VAMP3: variants seen among roughly 807,000 people sequenced by gnomAD.
VAMP3 encodes vesicle-associated membrane protein 3.
A neutral mutation model predicts 18.1 loss-of-function variants in VAMP3; 11 were observed. The ratio of observed to expected loss-of-function variants is 0.61; its 90% CI spans 0.38 to 1.00. VAMP3 has a LOEUF of 1.00. Among genes scored for constraint, VAMP3 ranks in the 50% least tolerant of loss-of-function variants. The probability of loss-of-function intolerance (pLI) is 0.01; values close to 1 mark genes in which losing one functional copy is unlikely to be tolerated. For missense variants in VAMP3, 122 were observed against 127.3 expected (o/e 0.96, Z 0.20); for synonymous variants, 49 against 43.1 (o/e 1.14, Z -0.53).
At chr1:7,777,968 T>C in intron 3 of VAMP3, 150 bp from the exon 4 acceptor site, 1 of 811,840 alleles carries the variant, frequency 1.2e-6, no homozygotes. Context: ...ATTGAGAACA[T>C]TTAATTTAGG....
chr1:7,779,599 C>T (rs755522382), intron 4 of VAMP3, 27 bp from the exon 5 acceptor site: 2 of 1,614,112 alleles, frequency 1.2e-6, no homozygotes, highest in South Asian at 2.2e-5. Flanking sequence ...GTTTCCCCTG[C>T]CTTTTTGCAT....
intron 2 of VAMP3, among the ~76,000 whole-genome samples, chr1:7,774,902 T>A (rs2097053477): frequency 6.6e-6 from 1 of 152,266 alleles, no homozygotes; most frequent in South Asian, 2.1e-4. Flanking sequence ...AGGCTTTCAT[T>A]TCTCTTGAAT....
rs1404324985 is a variant in VAMP3 at position 7,773,620 on chromosome 1, GT to G, written c.72+110del. ...TGTGAATGTAAAGCAAATTCTGACT[GT>G]ATCATAATTGTAACGAAACTTTGCT... is the stretch of plus-strand genomic sequence containing the variant. On this transcript the variant is annotated intron_variant, in intron 2 of 4. Coordinates refer to ENST00000054666, the MANE Select transcript of VAMP3 (RefSeq NM_004781.4). 8.5e-6 allele frequency: 9 copies of G among 1,064,822 alleles called. No individual in the cohort carries two copies. In the African/African-American group the frequency reaches 1.3e-4, roughly 15 times the overall value. 66.0% of individuals were successfully genotyped at this position (1,064,822 alleles called of 1,614,324 possible). A position where few individuals can be genotyped will look rare whatever the true frequency, so the allele number is the denominator to read the frequency against.
At chr1:7,778,585 T>C (rs1328334352) in intron 4 of VAMP3, among the ~76,000 whole-genome samples, 1 of 152,204 alleles carries the variant, frequency 6.6e-6, no homozygotes, top group Non-Finnish European at 1.5e-5. Context: ...TTTTCTTTAA[T>C]AAATGTTTTA....
chr1:7,781,058 C>G lies in VAMP3; in HGVS notation c.*1413C>G, dbSNP rs2097056873. ...TGTGGCTCATTGTTACTGGAATATT[C>G]TAAAACTCTTGTTCACATGCTATTA... On this transcript the variant is annotated 3_prime_UTR_variant, in exon 5 of 5. Transcript: ENST00000054666. The G allele has an allele frequency of 6.5e-6, 1 of 152,832 alleles. No individual in the cohort carries two copies. Among genetic ancestry groups the G allele is most frequent in the Admixed American group, 6.5e-5 (1 of 15,286 alleles). 9.5% of individuals were successfully genotyped at this position (152,832 alleles called of 1,614,324 possible). A position where few individuals can be genotyped will look rare whatever the true frequency, so the allele number is the denominator to read the frequency against.
intron 2 of VAMP3, among the ~76,000 whole-genome samples, chr1:7,774,021 ATC>A (rs1388303349): frequency 5.9e-5 from 9 of 152,154 alleles, no homozygotes; most frequent in Admixed American, 3.3e-4. Context: ...AGCTCAGCAA[ATC>A]TCTGTTTGTA....
chr1:7,779,777 T>A lies in VAMP3; in HGVS notation c.*132T>A. 2 of 1,255,718 alleles carry A rather than the reference T, an allele frequency of 1.6e-6. No individual in the cohort carries two copies. Among genetic ancestry groups the A allele is most frequent in the Non-Finnish European group, 2.2e-6 (2 of 889,738 alleles). The allele number at this position is 1,255,718 out of a possible 1,614,324, so 77.8% of individuals were successfully genotyped here. On this transcript the variant is annotated 3_prime_UTR_variant, in exon 5 of 5. Coordinates refer to ENST00000054666, the MANE Select transcript of VAMP3 (RefSeq NM_004781.4). ...TTGTGTTAATGTAAAGTTGAATTTC[T>A]AGGAAACGTGCCTTTGTTTTTTAAT... is the stretch of plus-strand genomic sequence containing the variant.
Position 7,773,511 on chromosome 1 carries a change from G to T in VAMP3, c.72G>T (p.Glu24Asp). The change falls in exon 2 of 5, where the codon GAG becomes GAT. Residue 24 changes from glutamate (E) to aspartate (D), a missense_variant and splice_region_variant. By Grantham distance (45) the Glu-to-Asp change is conservative (BLOSUM62 2). Coordinates refer to ENST00000054666, the MANE Select transcript of VAMP3 (RefSeq NM_004781.4). ...RLQQTQNQVD[E>D]VVDIMRVNVD... ...AGCAGACACAAAATCAAGTAGATGA[G>T]GTATTGCTCTGAAATGTTGGAAATA... 1.2e-6 allele frequency: 2 copies of T among 1,613,264 alleles called. No homozygotes were observed. The highest frequency in any genetic ancestry group is 1.7e-6 in the Non-Finnish European group (2 of 1,179,526).
At chr1:7,775,489 A>G (rs2097053891) in intron 2 of VAMP3, among the ~76,000 whole-genome samples, 1 of 152,062 alleles carries the variant, frequency 6.6e-6, no homozygotes, top group South Asian at 2.1e-4. Flanking sequence ...CTGGGATTAC[A>G]GGCGCCCGCC....
intron 2 of VAMP3, among the ~76,000 whole-genome samples, chr1:7,774,529 A>G (rs2097053178): frequency 6.6e-6 from 1 of 152,160 alleles, no homozygotes; most frequent in Non-Finnish European, 1.5e-5. Context: ...ATCACCCCAG[A>G]ACACCTCATG....
intron 4 of VAMP3, among the ~76,000 whole-genome samples, chr1:7,779,127 G>A (rs866892265): frequency 1.9e-4 from 29 of 151,992 alleles, no homozygotes; most frequent in Non-Finnish European, 3.5e-4. Context: ...CCCGGGAGGC[G>A]GAGCTTGCAG....
Position 7,771,329 on chromosome 1 carries a change from T to C in VAMP3, c.-55T>C. ...CATCTCCCTGGCCTCCGGTCCCAAC[T>C]TCGCTTCTCTGCTGACCCTCTCTCG... is the stretch of plus-strand genomic sequence containing the variant. On this transcript the variant is annotated 5_prime_UTR_variant, in exon 1 of 5. Coordinates refer to ENST00000054666, the MANE Select transcript of VAMP3 (RefSeq NM_004781.4). 2 of 1,591,874 alleles carry C rather than the reference T, an allele frequency of 1.3e-6. No homozygotes were observed. The highest frequency in any genetic ancestry group is 1.7e-6 in the Non-Finnish European group (2 of 1,171,570).
chr1:7,780,910 GAAA>G lies in VAMP3; in HGVS notation c.*1268_*1270del, dbSNP rs903685287. 3 of 152,474 alleles carry G rather than the reference GAAA, an allele frequency of 2.0e-5. No homozygotes were observed. Among genetic ancestry groups the G allele is most frequent in the African/African-American group, 7.2e-5 (3 of 41,560 alleles). 9.4% of individuals were successfully genotyped at this position (152,474 alleles called of 1,614,324 possible). ...GCTGGAAGCAGAAACTTTGTCATCG[GAAA>G]AACTTTTCTTGTATGCATGAGACTC... is the stretch of plus-strand genomic sequence containing the variant. On this transcript the variant is annotated 3_prime_UTR_variant, in exon 5 of 5. Transcript: ENST00000054666.
chr1:7,774,526 C>T (rs1271647872), intron 2 of VAMP3, among the ~76,000 whole-genome samples: 1 of 152,156 alleles, frequency 6.6e-6, no homozygotes, highest in Non-Finnish European at 1.5e-5. Context: ...TTCATCACCC[C>T]AGAACACCTC....
chr1:7,779,741 T>G lies in VAMP3; in HGVS notation c.*96T>G. On this transcript the variant is annotated 3_prime_UTR_variant, in exon 5 of 5. Coordinates refer to ENST00000054666, the MANE Select transcript of VAMP3 (RefSeq NM_004781.4). ...TATCAAGCTTACCTACTGTTATCTC[T>G]AAAATTTTTTTTGTGTTAATGTAAA... The G allele has an allele frequency of 3.2e-6, 5 of 1,544,446 alleles. No individual in the cohort carries two copies. The highest frequency in any genetic ancestry group is 4.4e-6 in the Non-Finnish European group (5 of 1,135,958).
intron 2 of VAMP3, among the ~76,000 whole-genome samples, chr1:7,775,714 T>G (rs72632055): frequency 0.11 from 16,170 of 152,300 alleles, 1,263 homozygotes; most frequent in Non-Finnish European, 0.15. Context: ...TGTTTTTCCT[T>G]TTGTTGTTCT....
rs866879919 is a variant in VAMP3 at position 7,781,080 on chromosome 1, A to C, written c.*1435A>C. On this transcript the variant is annotated 3_prime_UTR_variant, in exon 5 of 5. Coordinates refer to ENST00000054666, the MANE Select transcript of VAMP3 (RefSeq NM_004781.4). ...ATTCTAAAACTCTTGTTCACATGCT[A>C]TTATGACTTATAAAGCAGCAACAGC... 6.5e-6 allele frequency: 1 copy of C among 152,812 alleles called. No individual in the cohort carries two copies. The highest frequency in any genetic ancestry group is 6.5e-5 in the Admixed American group (1 of 15,288). The allele number at this position is 152,812 out of a possible 1,614,324, so 9.5% of individuals were successfully genotyped here.
chr1:7,773,625 A>G, intron 2 of VAMP3, 114 bp downstream of exon 2: 1 of 1,038,318 alleles, frequency 9.6e-7, no homozygotes, highest in Non-Finnish European at 1.4e-6. Context: ...TGACTGTATC[A>G]TAATTGTAAC....
At chr1:7,777,429 CTCCACATGGAAATGTGGG>C in intron 3 of VAMP3, 111 bp downstream of exon 3, 1 of 1,363,814 alleles carries the variant, frequency 7.3e-7, no homozygotes. Flanking sequence ...GTTTGACTTC[CTCCACATGGAAATGTGGG>C]TCCACTGTGA....
Sources: allele counts gnomAD v4.1 joint callset (sites outside exome capture counted in the v4.1 genomes callset), GRCh38; gene constraint gnomAD v4.1.1; transcripts MANE v1.5; gene names NCBI Gene and HGNC (gene_info 2026-07-23, HGNC 2026-07-21).